The following DYM variants were observed in gnomAD, a reference collection of about 807,000 sequenced individuals.
DYM encodes dyggve-Melchior-Clausen syndrome protein.
Under a neutral mutation model 93.1 loss-of-function variants are expected in DYM, and 78 were observed. That is an observed-to-expected ratio of 0.84 (90% confidence interval 0.70 to 1.01). The LOEUF (loss-of-function observed/expected upper bound fraction) is 1.01, where lower values mean the gene tolerates loss of function less well. Among genes scored for constraint, DYM ranks in the 50% least tolerant of loss-of-function variants. The pLI is 0.00. For missense variants in DYM, 789 were observed against 845.0 expected (o/e 0.93, Z 0.82); for synonymous variants, 321 against 319.7 (o/e 1.00, Z -0.04).
At chr18:49,301,416 G>T (rs2060924037) in intron 8 of DYM, among the ~76,000 whole-genome samples, 2 of 151,804 alleles carry the variant, frequency 1.3e-5, no homozygotes. Flanking sequence ...AGCTACTCGG[G>T]AGGCTGAGAC....
chr18:49,092,330 G>A lies in DYM; in HGVS notation c.2025+5072C>T, dbSNP rs184995491. 1.2e-4 allele frequency among the ~76,000 whole-genome samples: 19 copies of A among 152,252 alleles called. No homozygotes were observed. In the East Asian group the frequency reaches 1.5e-3, roughly 12 times the overall value. On this transcript the variant is annotated intron_variant, in intron 17 of 17. Coordinates refer to ENST00000675505, the MANE Select transcript of DYM (RefSeq NM_001353214.3). ...GATTTCTCTTTCATCCCAGCTTTAT[G>A]GAAACCTTACCATCCCTTTAAGACA...
intron 13 of DYM, among the ~76,000 whole-genome samples, chr18:49,233,748 T>C (rs2093778088): frequency 6.6e-6 from 1 of 152,218 alleles, no homozygotes. Flanking sequence ...ATTTCTCAGC[T>C]TCCACTGCTG....
At chr18:49,339,718 G>T (rs1397513615) in intron 6 of DYM, among the ~76,000 whole-genome samples, 1 of 152,060 alleles carries the variant, frequency 6.6e-6, no homozygotes, top group Non-Finnish European at 1.5e-5. Context: ...TTAAAGCTAC[G>T]GTATACTCAG....
intron 5 of DYM, among the ~76,000 whole-genome samples, chr18:49,371,624 C>A (rs576747205): frequency 6.6e-6 from 1 of 152,070 alleles, no homozygotes; most frequent in Non-Finnish European, 1.5e-5. Context: ...ATCAGTATTA[C>A]CTTGGCAAGA....
intron 17 of DYM, among the ~76,000 whole-genome samples, chr18:49,078,772 T>A (rs753740798): frequency 6.6e-6 from 1 of 152,148 alleles, no homozygotes; most frequent in Non-Finnish European, 1.5e-5. Flanking sequence ...TAAATATGAA[T>A]GTTATATATT....
chr18:49,331,016 T>C (rs754593497), intron 8 of DYM, among the ~76,000 whole-genome samples: 4 of 152,252 alleles, frequency 2.6e-5, no homozygotes, highest in African/African-American at 9.6e-5. Context: ...ACTAGTAAGT[T>C]ATCACAGTGC....
At chr18:49,256,747 C>A (rs564951007) in intron 13 of DYM, among the ~76,000 whole-genome samples, 1 of 152,246 alleles carries the variant, frequency 6.6e-6, no homozygotes, top group African/African-American at 2.4e-5. Context: ...AAGAAATATA[C>A]CTGCTCCTCT....
At chr18:49,120,469 C>T (rs2082286932) in intron 15 of DYM, among the ~76,000 whole-genome samples, 2 of 152,154 alleles carry the variant, frequency 1.3e-5, no homozygotes, top group Admixed American at 6.5e-5. Context: ...AGGACATCCC[C>T]CTGCCTCGGA....
chr18:49,454,564 C>G (rs1488880019), intron 1 of DYM, among the ~76,000 whole-genome samples: 1 of 152,098 alleles, frequency 6.6e-6, no homozygotes, highest in Admixed American at 6.5e-5. Context: ...TCGAACCAAT[C>G]TGTGAGCCCT....
chr18:49,152,964 G>A (rs910979462), intron 15 of DYM, among the ~76,000 whole-genome samples: 1 of 152,138 alleles, frequency 6.6e-6, no homozygotes, highest in Non-Finnish European at 1.5e-5. Flanking sequence ...AGGGGGTGGG[G>A]GAAAGGAGAT....
Position 49,414,016 on chromosome 18 carries a change from G to C in DYM, c.140+16239C>G, listed in dbSNP as rs374430906. On this transcript the variant is annotated intron_variant, in intron 2 of 17. Transcript: ENST00000675505. Reference sequence around the variant, plus strand: ...CAGAGAGAGACTCTGTCTCAAAAAAGAAAGAAAGAAAGAAAGAAAGCATTA... The same window carrying C: ...CAGAGAGAGACTCTGTCTCAAAAAACAAAGAAAGAAAGAAAGAAAGCATTA... Among the ~76,000 whole-genome samples, 171 of 129,010 alleles carry C rather than the reference G, an allele frequency of 1.3e-3. 2 individuals carry two copies. The highest frequency in any genetic ancestry group is 4.2e-3 in the African/African-American group (167 of 39,400). 84.6% of individuals were successfully genotyped at this position (129,010 alleles called of 152,430 possible). A position where few individuals can be genotyped will look rare whatever the true frequency, so the allele number is the denominator to read the frequency against.
intron 2 of DYM, among the ~76,000 whole-genome samples, chr18:49,399,945 T>C (rs2070604038): frequency 1.5e-5 from 2 of 133,648 alleles, no homozygotes; most frequent in Non-Finnish European, 3.2e-5. Flanking sequence ...TTTTTTTTTT[T>C]TTTTTTTTTT....
At chr18:49,415,537 C>T (rs1246783823) in intron 2 of DYM, among the ~76,000 whole-genome samples, 4 of 151,550 alleles carry the variant, frequency 2.6e-5, no homozygotes, top group Non-Finnish European at 5.9e-5. Context: ...GTGCCAAGAG[C>T]TGCCCTTTTT....
intron 15 of DYM, among the ~76,000 whole-genome samples, chr18:49,119,279 T>C (rs1260961053): frequency 6.6e-6 from 1 of 152,232 alleles, no homozygotes; most frequent in Non-Finnish European, 1.5e-5. Context: ...ACTTCCATGA[T>C]GTAGAGTAGT....
chr18:49,236,841 T>A (rs2093882444), intron 13 of DYM, among the ~76,000 whole-genome samples: 1 of 152,166 alleles, frequency 6.6e-6, no homozygotes, highest in Non-Finnish European at 1.5e-5. Flanking sequence ...AACCATCTGC[T>A]CTTTGCAAAT....
chr18:49,333,928 A>G, intron 6 of DYM, 75 bp from the exon 7 acceptor site: 1 of 1,424,080 alleles, frequency 7.0e-7, no homozygotes. Context: ...TGAACTATAC[A>G]TTTAAAAACT....
chr18:49,447,222 G>A (rs2148664907), intron 1 of DYM: 1 of 152,316 alleles, frequency 6.6e-6, no homozygotes, highest in East Asian at 1.9e-4. Flanking sequence ...AGTTTAACAT[G>A]GCTGGAACAG....
chr18:49,101,725 C>T (rs866170341), intron 16 of DYM, among the ~76,000 whole-genome samples: 1 of 152,036 alleles, frequency 6.6e-6, no homozygotes, highest in African/African-American at 2.4e-5. Context: ...CTTGAGTTTC[C>T]CCTCAAGTTA....
chr18:49,073,146 T>C (rs1306523741), intron 17 of DYM, among the ~76,000 whole-genome samples: 1 of 152,240 alleles, frequency 6.6e-6, no homozygotes, highest in Non-Finnish European at 1.5e-5. Flanking sequence ...CCTCAAAGTA[T>C]TGAAACAAGT....
Sources: allele counts gnomAD v4.1 joint callset (sites outside exome capture counted in the v4.1 genomes callset), GRCh38; gene constraint gnomAD v4.1.1; transcripts MANE v1.5; gene names NCBI Gene and HGNC (gene_info 2026-07-23, HGNC 2026-07-21).